The following SDCCAG8 variants were observed in gnomAD, a reference collection of about 807,000 sequenced individuals.
SDCCAG8 encodes serologically defined colon cancer antigen 8.
In SDCCAG8, 74 loss-of-function variants were observed where a neutral mutation model predicts 101.8. That is an observed-to-expected ratio of 0.73 (90% CI 0.60 to 0.88). The LOEUF (loss-of-function observed/expected upper bound fraction) is 0.88. Ranked by LOEUF, SDCCAG8 falls within the 40% of genes least tolerant of loss-of-function variation. The probability of loss-of-function intolerance (pLI) is 0.00; values close to 1 mark genes in which losing one functional copy is unlikely to be tolerated. For missense variants in SDCCAG8, 787 were observed against 822.6 expected (o/e 0.96, Z 0.53); for synonymous variants, 281 against 292.9 (o/e 0.96, Z 0.41).
chr1:243,266,860 C>T (rs1046556779), intron 1 of SDCCAG8, among the ~76,000 whole-genome samples: 6 of 147,628 alleles, frequency 4.1e-5, no homozygotes, highest in Non-Finnish European at 8.9e-5. Flanking sequence ...GGAGAACCAT[C>T]TGAACCCTGG....
intron 6 of SDCCAG8, among the ~76,000 whole-genome samples, chr1:243,302,296 A>C (rs954684523): frequency 5.9e-5 from 9 of 152,162 alleles, no homozygotes; most frequent in Admixed American, 1.3e-4. Flanking sequence ...AGGAGAAATG[A>C]TATCTGCCTG....
chr1:243,392,161 G>A (rs1384667535), intron 13 of SDCCAG8, among the ~76,000 whole-genome samples: 1 of 152,132 alleles, frequency 6.6e-6, no homozygotes, highest in Non-Finnish European at 1.5e-5. Context: ...TAAATCTGAG[G>A]CTTATCTATT....
intron 13 of SDCCAG8, among the ~76,000 whole-genome samples, chr1:243,402,407 A>C: frequency 1.0e-5 from 1 of 99,680 alleles, no homozygotes; most frequent in African/African-American, 3.6e-5. Context: ...TGTCTCAATT[A>C]AAAAAAAAAA....
chr1:243,341,281 A>T (rs767683052), intron 11 of SDCCAG8, 108 bp downstream of exon 11: 13 of 1,298,520 alleles, frequency 1.0e-5, no homozygotes, highest in Non-Finnish European at 1.4e-5. Flanking sequence ...AGTTTGGAGT[A>T]GAAAAGTTTT....
intron 17 of SDCCAG8, among the ~76,000 whole-genome samples, chr1:243,496,304 A>G (rs1246930067): frequency 6.6e-6 from 1 of 152,176 alleles, no homozygotes; most frequent in African/African-American, 2.4e-5. Context: ...ACAGCTGCCG[A>G]GCCCTGGCCC....
chr1:243,319,314 A>G (rs567968619), intron 9 of SDCCAG8, among the ~76,000 whole-genome samples: 22 of 152,288 alleles, frequency 1.4e-4, no homozygotes, highest in African/African-American at 4.8e-4. Flanking sequence ...TCTCCTCCCT[A>G]ATCAATAAAA....
Position 243,458,273 on chromosome 1 carries a change from C to T in SDCCAG8, c.1986-30741C>T, listed in dbSNP as rs1658240694. 6.6e-6 allele frequency among the ~76,000 whole-genome samples: 1 copy of T among 152,170 alleles called. No individual in the cohort carries two copies. The highest frequency in any genetic ancestry group is 2.4e-5 in the African/African-American group (1 of 41,436). ...GTTTCAAGAATTCTTGGTTCTGGCC[C>T]TGTCCTTGATTCCCTAATTTCCACA... On this transcript the variant is annotated intron_variant, in intron 16 of 17. Transcript: ENST00000366541. This position sits in a 1 kb window ranked among gnomAD's most constrained non-coding sequence, Gnocchi z 4.5.
chr1:243,386,706 T>C (rs1285242757), intron 13 of SDCCAG8, among the ~76,000 whole-genome samples: 1 of 151,526 alleles, frequency 6.6e-6, no homozygotes, highest in African/African-American at 2.4e-5. Context: ...TGAGCCGAGA[T>C]TGCGCCACTG....
intron 16 of SDCCAG8, among the ~76,000 whole-genome samples, chr1:243,487,339 G>C (rs936963002): frequency 6.6e-6 from 1 of 152,234 alleles, no homozygotes; most frequent in Admixed American, 6.5e-5. Flanking sequence ...CCCAGGAAAG[G>C]CTGCCTCAGC....
At chr1:243,438,366 C>T (rs1480792255) in intron 16 of SDCCAG8, among the ~76,000 whole-genome samples, 1 of 152,178 alleles carries the variant, frequency 6.6e-6, no homozygotes, top group Non-Finnish European at 1.5e-5. Context: ...AAAGATAAAA[C>T]GGTTCAATTG....
chr1:243,456,115 C>G (rs957106377), intron 16 of SDCCAG8, among the ~76,000 whole-genome samples: 6 of 152,070 alleles, frequency 3.9e-5, no homozygotes, highest in African/African-American at 1.4e-4. Flanking sequence ...CTTCCAACTC[C>G]TTATTCATCG....
intron 13 of SDCCAG8, among the ~76,000 whole-genome samples, chr1:243,393,339 A>G (rs1037196924): frequency 6.6e-6 from 1 of 152,110 alleles, no homozygotes; most frequent in African/African-American, 2.4e-5. Context: ...GCTCCTTAGC[A>G]GAACTAATCA....
rs1662103443 is a variant in SDCCAG8 at position 243,474,955 on chromosome 1, G to A, written c.1986-14059G>A. ...TCTGAAGCAGAAAATTATCTCTAGG[G>A]ATGACTTAGTAATAGGGTACCCCAT... On this transcript the variant is annotated intron_variant, in intron 16 of 17. Transcript: ENST00000366541. This position sits in a 1 kb window ranked among gnomAD's most constrained non-coding sequence, Gnocchi z 4.7. 6.6e-6 allele frequency among the ~76,000 whole-genome samples: 1 copy of A among 152,228 alleles called. No homozygotes were observed. Among genetic ancestry groups the A allele is most frequent in the Admixed American group, 6.5e-5 (1 of 15,290 alleles).
chr1:243,465,149 G>A (rs1196266827), intron 16 of SDCCAG8, among the ~76,000 whole-genome samples: 1 of 152,210 alleles, frequency 6.6e-6, no homozygotes, highest in Non-Finnish European at 1.5e-5. Context: ...GTACATGCTA[G>A]TCCATGGAAA....
chr1:243,350,736 G>A (rs1479158578), intron 12 of SDCCAG8, among the ~76,000 whole-genome samples: 1 of 152,136 alleles, frequency 6.6e-6, no homozygotes, highest in African/African-American at 2.4e-5. Context: ...ACAATAGCCT[G>A]AAACAAGAAT....
intron 16 of SDCCAG8, among the ~76,000 whole-genome samples, chr1:243,443,564 G>A (rs966754145): frequency 2.6e-5 from 4 of 152,220 alleles, no homozygotes; most frequent in African/African-American, 7.2e-5. Flanking sequence ...GACCCCACCA[G>A]TGTGCCTGAA....
intron 13 of SDCCAG8, among the ~76,000 whole-genome samples, chr1:243,411,770 G>T (rs115399227): frequency 0.013 from 1,945 of 152,226 alleles, 44 homozygotes; most frequent in African/African-American, 0.043. Context: ...ATTGTTCCTT[G>T]TTATTTCTAC....
At chr1:243,486,385 T>A (rs1664840421) in intron 16 of SDCCAG8, among the ~76,000 whole-genome samples, 1 of 152,146 alleles carries the variant, frequency 6.6e-6, no homozygotes, top group South Asian at 2.1e-4. Context: ...TGTGTGGACA[T>A]CCTGGTCAGC....
intron 6 of SDCCAG8, among the ~76,000 whole-genome samples, chr1:243,304,196 C>T (rs750726382): frequency 3.3e-5 from 5 of 152,118 alleles, no homozygotes; most frequent in South Asian, 2.1e-4. Context: ...TGGGATATTT[C>T]GTAAGTTCCT....
Sources: gnomAD v4.1 joint callset for allele counts (sites outside exome capture counted in the v4.1 genomes callset) on GRCh38, gnomAD v4.1.1 for gene constraint, Gnocchi (gnomAD v3.1) non-coding constraint, MANE v1.5 for transcripts, NCBI Gene and HGNC (gene_info 2026-07-23, HGNC 2026-07-21) for gene names.